Variants in KIF1B observed in about 807,000 individuals in gnomAD.
KIF1B encodes kinesin-like protein KIF1B.
In KIF1B, 76 loss-of-function variants were observed where a neutral mutation model predicts 241.9. The ratio of observed to expected loss-of-function variants is 0.31; its 90% CI spans 0.26 to 0.38. The LOEUF (loss-of-function observed/expected upper bound fraction) is 0.38, where lower values mean the gene tolerates loss of function less well. KIF1B is among the 10% of genes least tolerant of loss of function. The probability of loss-of-function intolerance (pLI) is 1.00; values close to 1 mark genes in which losing one functional copy is unlikely to be tolerated. For synonymous variants in KIF1B, 750 were observed against 796.7 expected, an observed-to-expected ratio of 0.94 and a Z score of 0.99; for missense variants, 1,622 against 2,271.4, an observed-to-expected ratio of 0.71 and a Z score of 5.81.
At chr1:10,373,919 G>C (rs1296565349) in intron 45 of KIF1B, among the ~76,000 whole-genome samples, 1 of 152,224 alleles carries the variant, frequency 6.6e-6, no homozygotes, top group African/African-American at 2.4e-5. Context: ...TTTTTGAACA[G>C]TTTCCCAGGT....
Position 10,375,330 on chromosome 1 carries a change from G to C in KIF1B, c.5365G>C (p.Asp1789His). The C allele has an allele frequency of 1.2e-6, 2 of 1,614,072 alleles. No homozygotes were observed. The highest frequency in any genetic ancestry group is 1.1e-5 in the South Asian group (1 of 91,070). Reference protein sequence around the residue: ...LQALNDKDMNDWLYAFNPLLA... With the variant: ...LQALNDKDMNHWLYAFNPLLA... ...GGCCCTCAATGACAAAGACATGAACGACTGGTTGTATGCCTTCAACCCACT... is the reference window on the plus strand; with the variant it reads ...GGCCCTCAATGACAAAGACATGAACCACTGGTTGTATGCCTTCAACCCACT... The change falls in exon 48 of 49, where the codon GAC (aspartate) becomes CAC (histidine). Residue 1789 changes from aspartate to histidine, a missense_variant. By Grantham distance (81) the Asp-to-His change is moderately conservative (BLOSUM62 -1). This residue lies in a region of KIF1B where 357 missense variants were observed against 409.0 expected (regional missense o/e 0.87). Transcript: ENST00000676179.
Position 10,295,654 on chromosome 1 carries a change from G to A in KIF1B, c.1671-6G>A, listed in dbSNP as rs1420466491. The A allele has an allele frequency of 1.2e-6, 2 of 1,612,746 alleles. No homozygotes were observed. The highest frequency in any genetic ancestry group is 1.7e-4 in the Middle Eastern group (1 of 5,846). ...TTCCCTGGGAAACACTTTCTCTTGT[G>A]TTCAGGGTTGGCCAAGCAGATGCTG... is the stretch of plus-strand genomic sequence containing the variant. On this transcript the variant is annotated splice_polypyrimidine_tract_variant and splice_region_variant and intron_variant, in intron 18 of 48. Coordinates refer to ENST00000676179, the MANE Select transcript of KIF1B (RefSeq NM_001365951.3).
chr1:10,330,927 T>C lies in KIF1B; in HGVS notation c.2925-3593T>C, dbSNP rs535683344. Among the ~76,000 whole-genome samples the C allele has an allele frequency of 5.9e-5, 9 of 152,270 alleles. 2 individuals are homozygous for C. The highest frequency in any genetic ancestry group is 1.9e-4 in the African/African-American group (8 of 41,570). On this transcript the variant is annotated intron_variant, in intron 27 of 48. Transcript: ENST00000676179. ...TCACATAACGTTGGGGGACCTGTTA[T>C]GAGAAAGTGGTGTTTGAAATAAGAC...
At chr1:10,217,385 G>T (rs1448693044) in intron 1 of KIF1B, among the ~76,000 whole-genome samples, 2 of 146,658 alleles carry the variant, frequency 1.4e-5, no homozygotes, top group Non-Finnish European at 3.0e-5. Context: ...TGTCTCCCAG[G>T]CTGGGGTGCA....
chr1:10,323,819 A>T (rs1434311735), intron 24 of KIF1B, 65 bp from the exon 25 acceptor site: 4 of 1,304,888 alleles, frequency 3.1e-6, no homozygotes, highest in Admixed American at 3.4e-5. Flanking sequence ...GTATGATTGT[A>T]TCGTCTCATC....
In KIF1B at chr1:10,379,201, T is replaced by C. The variant is rs1323454701; in HGVS notation, c.*2614T>C. ...GGACGGTGGGAAGCCTGAGAGAGAG[T>C]GAAATTATGTGATACACTGAAATGA... On this transcript the variant is annotated 3_prime_UTR_variant, in exon 49 of 49. Coordinates refer to ENST00000676179, the MANE Select transcript of KIF1B (RefSeq NM_001365951.3). 1 of 231,542 alleles carries C rather than the reference T, an allele frequency of 4.3e-6. No individual in the cohort carries two copies. Among genetic ancestry groups the C allele is most frequent in the African/African-American group, 2.2e-5 (1 of 45,008 alleles). The allele number at this position is 231,542 out of a possible 1,614,324, so 14.3% of individuals were successfully genotyped here.
rs1465772671 is a variant in KIF1B at position 10,271,448 on chromosome 1, C to T, written c.721-54C>T. ...AAAGCATTCTGCCTCTAAATATTTC[C>T]TGCTTCTATCTTGCTTATTTTTGAA... On this transcript the variant is annotated intron_variant, in intron 7 of 48. Transcript: ENST00000676179. The T allele has an allele frequency of 4.0e-6, 5 of 1,260,784 alleles. No individual in the cohort carries two copies. The African/African-American group carries it at 5.9e-5, about 15-fold the overall frequency. 78.1% of individuals were successfully genotyped at this position (1,260,784 alleles called of 1,614,324 possible). A position where few individuals can be genotyped will look rare whatever the true frequency, so the allele number is the denominator to read the frequency against.
At chr1:10,221,365 T>C (rs773549978) in intron 1 of KIF1B, among the ~76,000 whole-genome samples, 1 of 152,208 alleles carries the variant, frequency 6.6e-6, no homozygotes, top group Non-Finnish European at 1.5e-5. Context: ...CCCAAAGGGC[T>C]GGGATTACAG....
Position 10,239,279 on chromosome 1 carries a change from T to C in KIF1B, c.106+6845T>C, listed in dbSNP as rs367592819. 5.6e-4 allele frequency among the ~76,000 whole-genome samples: 86 copies of C among 152,330 alleles called. 1 individual carries two copies. The highest frequency in any genetic ancestry group is 2.0e-3 in the African/African-American group (84 of 41,584). On this transcript the variant is annotated intron_variant, in intron 2 of 48. Transcript: ENST00000676179. ...CACGCAGAGAGAACTACCATTAACATCTGGATCTGTATTCCTCTAATCTTT... is the reference window on the plus strand; with the variant it reads ...CACGCAGAGAGAACTACCATTAACACCTGGATCTGTATTCCTCTAATCTTT...
intron 1 of KIF1B, among the ~76,000 whole-genome samples, chr1:10,222,140 A>G (rs1646852887): frequency 6.6e-6 from 1 of 152,198 alleles, no homozygotes. Context: ...AATTTTATGG[A>G]GCAAAGGAAA....
At position 10,303,670 on chromosome 1, in the gene KIF1B, AT is replaced by A; in HGVS notation, c.2115+6428del. 1 of 1,614,208 alleles carries A rather than the reference AT, an allele frequency of 6.2e-7. No individual in the cohort carries two copies. Among genetic ancestry groups the A allele is most frequent in the Non-Finnish European group, 8.5e-7 (1 of 1,180,042 alleles). On this transcript the variant is annotated intron_variant, in intron 22 of 48. Coordinates refer to ENST00000676179, the MANE Select transcript of KIF1B (RefSeq NM_001365951.3). This position sits in a 1 kb window ranked among gnomAD's most constrained non-coding sequence, Gnocchi z 5.2. ...GGTTCATATAGACAAGCTGGAAGAT[AT>A]TTTGCAAGAAGTCAAAAAGCAAAAT...
intron 26 of KIF1B, among the ~76,000 whole-genome samples, chr1:10,325,474 G>A (rs1434489754): frequency 6.6e-6 from 1 of 152,064 alleles, no homozygotes; most frequent in East Asian, 1.9e-4. Context: ...TTAACTTTGA[G>A]CTTATGATTT....
At chr1:10,306,215 G>C (rs183427180) in intron 22 of KIF1B, 2 of 1,040,734 alleles carry the variant, frequency 1.9e-6, no homozygotes, top group Admixed American at 5.6e-5. Context: ...AGCTAGAACA[G>C]TTGAAGTCTT....
In KIF1B at chr1:10,377,157, T is replaced by C. The variant is rs559156131; in HGVS notation, c.*570T>C. 1 of 240,264 alleles carries C rather than the reference T, an allele frequency of 4.2e-6. No individual in the cohort carries two copies. Among genetic ancestry groups the C allele is most frequent in the African/African-American group, 2.2e-5 (1 of 45,398 alleles). The allele number at this position is 240,264 out of a possible 1,614,324, so 14.9% of individuals were successfully genotyped here. ...AGAGTCTTTTTTTCCCCTCTGTCTC[T>C]TTTTGCCATGGCTAATCCCTGCATT... On this transcript the variant is annotated 3_prime_UTR_variant, in exon 49 of 49. Transcript: ENST00000676179.
chr1:10,356,498 G>A (rs962583933), intron 38 of KIF1B, among the ~76,000 whole-genome samples: 2 of 152,216 alleles, frequency 1.3e-5, no homozygotes, highest in East Asian at 1.9e-4. Flanking sequence ...TTCATCAGAT[G>A]TGACCATGAT....
intron 2 of KIF1B, among the ~76,000 whole-genome samples, chr1:10,239,967 C>T (rs527269063): frequency 3.9e-4 from 60 of 152,142 alleles, no homozygotes; most frequent in African/African-American, 1.3e-3. Flanking sequence ...GGGGTTTCAC[C>T]GTGTTAGCCA....
rs551626975 is a variant in KIF1B at position 10,267,277 on chromosome 1, C to G, written c.430-103C>G. ...GAGTGATCTCAAGTGATCCGCCCTCCTTGGCCTCCCAAAGTGCTGGGATTA... is the reference window on the plus strand; with the variant it reads ...GAGTGATCTCAAGTGATCCGCCCTCGTTGGCCTCCCAAAGTGCTGGGATTA... On this transcript the variant is annotated intron_variant, in intron 5 of 48. Coordinates refer to ENST00000676179, the MANE Select transcript of KIF1B (RefSeq NM_001365951.3). 4.3e-6 allele frequency: 4 copies of G among 931,340 alleles called. No homozygotes were observed. In the East Asian group the frequency reaches 1.0e-4, roughly 24 times the overall value. The allele number at this position is 931,340 out of a possible 1,614,324, so 57.7% of individuals were successfully genotyped here. A position where few individuals can be genotyped will look rare whatever the true frequency, so the allele number is the denominator to read the frequency against.
At chr1:10,304,706 A>T in intron 22 of KIF1B, 1 of 1,601,808 alleles carries the variant, frequency 6.2e-7, no homozygotes, top group Non-Finnish European at 8.5e-7. Flanking sequence ...TTAGCTCATG[A>T]TTTGATTTGG....
chr1:10,224,903 C>T (rs1369989273), intron 1 of KIF1B, among the ~76,000 whole-genome samples: 3 of 152,166 alleles, frequency 2.0e-5, no homozygotes, highest in Non-Finnish European at 4.4e-5. Context: ...TTTCCACAGA[C>T]AGGGTTGGGG....
Sources: allele counts gnomAD v4.1 joint callset (sites outside exome capture counted in the v4.1 genomes callset), GRCh38; gene constraint gnomAD v4.1.1; regional missense constraint gnomAD v4.1.1; non-coding constraint Gnocchi (gnomAD v3.1); transcripts MANE v1.5; gene names NCBI Gene and HGNC (gene_info 2026-07-23, HGNC 2026-07-21).